MED13: variants seen among roughly 807,000 people sequenced by gnomAD.
MED13 encodes the protein mediator of RNA polymerase II transcription subunit 13.
In MED13, 23 loss-of-function variants were observed where a neutral mutation model predicts 225.2. The observed-to-expected ratio is 0.10, with a 90% CI of 0.07 to 0.14. MED13 has a LOEUF of 0.14. MED13 is among the 10% of genes least tolerant of loss of function. MED13 has a pLI of 1.00. For missense variants in MED13, 2,197 were observed against 2,594.5 expected, an observed-to-expected ratio of 0.85 and a Z score of 3.33; for synonymous variants, 942 against 889.2, an observed-to-expected ratio of 1.06 and a Z score of -1.06.
At chr17:62,033,320 TGTC>T (rs1401311229) in intron 5 of MED13, among the ~76,000 whole-genome samples, 2 of 152,216 alleles carry the variant, frequency 1.3e-5, no homozygotes, top group African/African-American at 2.4e-5. Flanking sequence ...CAACACAGGT[TGTC>T]AACTTTTCAG....
Position 61,946,607 on chromosome 17 carries a change from A to G in MED13, c.6393-7T>C. 1 of 1,609,032 alleles carries G rather than the reference A, an allele frequency of 6.2e-7. No homozygotes were observed. The highest frequency in any genetic ancestry group is 1.1e-5 in the South Asian group (1 of 89,892). ...GTACTGTTCCAAAACAAACCTGAAA[A>G]GCAAATAAACTGCATAAGTCATTTA... On this transcript the variant is annotated splice_polypyrimidine_tract_variant and splice_region_variant and intron_variant, in intron 29 of 29. Transcript: ENST00000397786.
intron 25 of MED13, 40 bp downstream of exon 25, chr17:61,955,640 C>T (rs1471720346): frequency 4.5e-6 from 7 of 1,566,402 alleles, no homozygotes; most frequent in Middle Eastern, 1.7e-4. Flanking sequence ...AACTTAACTG[C>T]ATAAAGAATT....
chr17:61,955,270 T>C, intron 26 of MED13, 112 bp downstream of exon 26: 1 of 913,874 alleles, frequency 1.1e-6, no homozygotes, highest in Non-Finnish European at 1.6e-6. Flanking sequence ...TTATCACATC[T>C]GCAAAATCAT....
At chr17:61,986,669 A>C (rs1339320430) in intron 12 of MED13, among the ~76,000 whole-genome samples, 1 of 152,218 alleles carries the variant, frequency 6.6e-6, no homozygotes, top group East Asian at 1.9e-4. Flanking sequence ...TAAATTCCAG[A>C]GTCATTTCTC....
intron 23 of MED13, among the ~76,000 whole-genome samples, 171 bp from the exon 24 acceptor site, chr17:61,956,652 G>A (rs997713992): frequency 4.6e-5 from 7 of 152,000 alleles, no homozygotes. Flanking sequence ...TGATTCTCCT[G>A]CCTCAGCCTC....
At chr17:62,051,766 G>C (rs1050133494) in intron 3 of MED13, among the ~76,000 whole-genome samples, 1 of 152,162 alleles carries the variant, frequency 6.6e-6, no homozygotes, top group Admixed American at 6.5e-5. Flanking sequence ...GGAAAAATTA[G>C]TAAGTTCCCT....
At chr17:62,042,859 G>A (rs534179795) in intron 3 of MED13, among the ~76,000 whole-genome samples, 20 of 150,326 alleles carry the variant, frequency 1.3e-4, no homozygotes, top group Admixed American at 5.3e-4. Context: ...AAGAAATTAC[G>A]GTAAGAAAGG....
chr17:61,984,056 A>C, intron 15 of MED13, 115 bp downstream of exon 15: 1 of 752,696 alleles, frequency 1.3e-6, no homozygotes, highest in Non-Finnish European at 2.0e-6. Context: ...ACCAGAAATA[A>C]TTTTTAGAAT....
At chr17:62,012,177 C>G (rs1567976915) in intron 8 of MED13, among the ~76,000 whole-genome samples, 1 of 151,724 alleles carries the variant, frequency 6.6e-6, no homozygotes, top group Non-Finnish European at 1.5e-5. Flanking sequence ...GATCACGCCA[C>G]TGCACTCCAG....
chr17:61,987,028 A>G lies in MED13; in HGVS notation c.2364T>C (p.Asn788=), dbSNP rs761918645. ...VSYTDLDNLF[N]SDEDELTPGS... is the part of the protein sequence containing the mutation. ...TCACTGTTAGTTCATCTTCATCAGA[A>G]TTGAAGAGATTATCAAGGTCAGTAT... The change falls in exon 12 of 30, where the codon AAT becomes AAC. Residue 788 remains asparagine, a synonymous_variant. Coordinates refer to ENST00000397786, the MANE Select transcript of MED13 (RefSeq NM_005121.3). The G allele has an allele frequency of 6.3e-7, 1 of 1,588,272 alleles. No homozygotes were observed. The highest frequency in any genetic ancestry group is 8.6e-7 in the Non-Finnish European group (1 of 1,167,292).
chr17:62,047,967 A>C (rs1309211938), intron 3 of MED13, among the ~76,000 whole-genome samples: 1 of 150,592 alleles, frequency 6.6e-6, no homozygotes, highest in African/African-American at 2.4e-5. Flanking sequence ...AACTGAGTCA[A>C]ACCACAGAAT....
chr17:62,021,462 G>A (rs1019102969), intron 8 of MED13, among the ~76,000 whole-genome samples: 1 of 151,402 alleles, frequency 6.6e-6, no homozygotes, highest in Admixed American at 6.6e-5. Context: ...TGGCCGGGCA[G>A]AGGGGCTCCT....
chr17:62,038,757 G>A (rs1299812647), intron 3 of MED13, among the ~76,000 whole-genome samples: 1 of 152,004 alleles, frequency 6.6e-6, no homozygotes, highest in African/African-American at 2.4e-5. Context: ...TCAAACTACT[G>A]GACTCAAGAA....
intron 11 of MED13, among the ~76,000 whole-genome samples, chr17:61,989,500 G>C (rs2080277077): frequency 6.6e-6 from 1 of 152,148 alleles, no homozygotes; most frequent in Admixed American, 6.5e-5. Context: ...CACCACACCT[G>C]GCTAATTTTG....
intron 16 of MED13, among the ~76,000 whole-genome samples, chr17:61,975,361 C>T (rs1034105214): frequency 6.6e-6 from 1 of 152,118 alleles, no homozygotes; most frequent in Non-Finnish European, 1.5e-5. Context: ...CAATCTTCAA[C>T]ATTATTAGTC....
intron 17 of MED13, among the ~76,000 whole-genome samples, chr17:61,968,629 TTTTA>T (rs2080080369): frequency 6.6e-6 from 1 of 152,122 alleles, no homozygotes; most frequent in African/African-American, 2.4e-5. Context: ...CCGGCCTCCT[TTTTA>T]TTTAAATGTC....
chr17:61,973,248 T>G (rs921384729), intron 16 of MED13, among the ~76,000 whole-genome samples: 2 of 152,192 alleles, frequency 1.3e-5, no homozygotes, highest in African/African-American at 4.8e-5. Flanking sequence ...CTGCCTCACA[T>G]TGAAATTATA....
At chr17:61,970,737 T>TC (rs1463348603) in intron 17 of MED13, among the ~76,000 whole-genome samples, 1 of 149,454 alleles carries the variant, frequency 6.7e-6, no homozygotes, top group South Asian at 2.1e-4. Context: ...TTTTTTTTTT[T>TC]TTTTTCTTGA....
chr17:62,016,846 T>C (rs1433380834), intron 8 of MED13, among the ~76,000 whole-genome samples: 1 of 151,934 alleles, frequency 6.6e-6, no homozygotes, highest in Non-Finnish European at 1.5e-5. Context: ...CCGTCTCTAC[T>C]AAAACTACAA....
Sources: gnomAD v4.1 joint callset for allele counts (sites outside exome capture counted in the v4.1 genomes callset) on GRCh38, gnomAD v4.1.1 for gene constraint, MANE v1.5 for transcripts, NCBI Gene and HGNC (gene_info 2026-07-23, HGNC 2026-07-21) for gene names.